The following APBB1IP variants were observed in gnomAD, a reference collection of about 807,000 sequenced individuals.
APBB1IP encodes the protein amyloid beta precursor protein binding family B member 1 interacting protein.
Under a neutral mutation model 64.9 loss-of-function variants are expected in APBB1IP, and 27 were observed. The observed-to-expected ratio is 0.42, with a 90% CI of 0.31 to 0.57. APBB1IP has a LOEUF of 0.57. APBB1IP is among the 20% of genes least tolerant of loss of function. APBB1IP has a pLI of 0.20. For missense variants in APBB1IP, 812 were observed against 845.5 expected (o/e 0.96, Z 0.49); for synonymous variants, 392 against 331.0 (o/e 1.18, Z -2.00).
intron 2 of APBB1IP, among the ~76,000 whole-genome samples, chr10:26,486,096 T>A (rs1268979775): frequency 6.6e-6 from 1 of 151,782 alleles, no homozygotes; most frequent in Admixed American, 6.6e-5. Flanking sequence ...TGTAAAAAAA[T>A]ATAAATAAAT....
At chr10:26,439,762 C>T (rs866995899) in intron 2 of APBB1IP, among the ~76,000 whole-genome samples, 3 of 152,170 alleles carry the variant, frequency 2.0e-5, no homozygotes, top group South Asian at 4.1e-4. Context: ...GTTTATTATG[C>T]CCCCAGATGT....
chr10:26,468,717 A>G (rs1163416008), intron 2 of APBB1IP, among the ~76,000 whole-genome samples: 1 of 152,238 alleles, frequency 6.6e-6, no homozygotes, highest in East Asian at 1.9e-4. Flanking sequence ...CCACTGGTCC[A>G]GCCATCCTTG....
Position 26,496,599 on chromosome 10 carries a change from A to G in APBB1IP, c.160+208A>G, listed in dbSNP as rs549631246. Among the ~76,000 whole-genome samples, 5 of 152,226 alleles carry G rather than the reference A, an allele frequency of 3.3e-5. No individual in the cohort carries two copies. In the South Asian group the frequency reaches 1.0e-3, roughly 32 times the overall value. On this transcript the variant is annotated intron_variant, in intron 4 of 14. Coordinates refer to ENST00000376236, the MANE Select transcript of APBB1IP (RefSeq NM_019043.4). ...ATTTTCACCAATAATGAAAGGGAAC[A>G]CCATTCTGCATTTGTGAAAAGTCTC... is the stretch of plus-strand genomic sequence containing the variant.
intron 13 of APBB1IP, 21 bp downstream of exon 13, chr10:26,560,865 T>G: frequency 1.9e-6 from 3 of 1,551,552 alleles, no homozygotes; most frequent in Non-Finnish European, 2.6e-6. Flanking sequence ...GAGGAGAAAT[T>G]CCAACACATA....
At chr10:26,448,069 A>T (rs1465702436) in intron 2 of APBB1IP, among the ~76,000 whole-genome samples, 1 of 152,254 alleles carries the variant, frequency 6.6e-6, no homozygotes, top group African/African-American at 2.4e-5. Context: ...GTTTGAAGTT[A>T]TATTAAATTT....
chr10:26,518,245 G>A (rs946157424), intron 8 of APBB1IP, among the ~76,000 whole-genome samples: 2 of 135,234 alleles, frequency 1.5e-5, no homozygotes, highest in African/African-American at 5.6e-5. Flanking sequence ...GAGCCACCGC[G>A]CCCAGCCTAT....
At chr10:26,561,324 T>G (rs553609435) in intron 13 of APBB1IP, among the ~76,000 whole-genome samples, 37 of 150,668 alleles carry the variant, frequency 2.5e-4, no homozygotes, top group African/African-American at 9.0e-4. Context: ...TGCCTCAGCC[T>G]CCCAAAGTGC....
intron 2 of APBB1IP, among the ~76,000 whole-genome samples, chr10:26,485,422 C>T (rs1411301996): frequency 6.6e-6 from 1 of 152,190 alleles, no homozygotes; most frequent in East Asian, 1.9e-4. Context: ...CAGTTCTTCT[C>T]ATTAGTCTGG....
In APBB1IP at chr10:26,541,515, A is replaced by G; in HGVS notation, c.1045-67A>G. 3 of 1,020,446 alleles carry G rather than the reference A, an allele frequency of 2.9e-6. No individual in the cohort carries two copies. The South Asian group carries it at 4.3e-5, about 15-fold the overall frequency. The allele number at this position is 1,020,446 out of a possible 1,614,324, so 63.2% of individuals were successfully genotyped here. ...AATATAATCCTTAGTTGTGCTATGA[A>G]GGACAACTCTGGAAAATTGTTAACT... On this transcript the variant is annotated intron_variant, in intron 10 of 14. Coordinates refer to ENST00000376236, the MANE Select transcript of APBB1IP (RefSeq NM_019043.4).
chr10:26,498,757 A>G (rs1836060883), intron 4 of APBB1IP, among the ~76,000 whole-genome samples: 1 of 152,226 alleles, frequency 6.6e-6, no homozygotes, highest in Non-Finnish European at 1.5e-5. Context: ...AATGATACCC[A>G]GCAAGATATA....
Position 26,472,934 on chromosome 10 carries a change from C to CAAAAAAA in APBB1IP, c.1-19388_1-19387insAAAAAAA, listed in dbSNP as rs879867349. ...CCTGGGCGACAGGGGGAGACTTCAT[C>CAAAAAAA]AAAAACAAAAAGAAAAAGATCTTAA... On this transcript the variant is annotated intron_variant, in intron 2 of 14. Coordinates refer to ENST00000376236, the MANE Select transcript of APBB1IP (RefSeq NM_019043.4). Among the ~76,000 whole-genome samples the CAAAAAAA allele has an allele frequency of 4.6e-4, 69 of 148,998 alleles. 2 individuals are homozygous for CAAAAAAA. The highest frequency in any genetic ancestry group is 7.0e-4 in the African/African-American group (28 of 39,916).
intron 11 of APBB1IP, among the ~76,000 whole-genome samples, chr10:26,548,307 A>C (rs4474350): frequency 0.16 from 24,942 of 151,370 alleles, 2,168 homozygotes; most frequent in East Asian, 0.32. Context: ...ATTTAACATT[A>C]GGTATGTCTC....
intron 2 of APBB1IP, among the ~76,000 whole-genome samples, chr10:26,470,052 T>C (rs1440167284): frequency 6.6e-6 from 1 of 152,200 alleles, no homozygotes; most frequent in African/African-American, 2.4e-5. Flanking sequence ...GCGGGGACCC[T>C]GGTCAGGAGA....
intron 8 of APBB1IP, among the ~76,000 whole-genome samples, chr10:26,514,301 G>A (rs1836297906): frequency 1.3e-5 from 2 of 151,922 alleles, no homozygotes; most frequent in Admixed American, 1.3e-4. Context: ...TGCACTCACT[G>A]TTGGTTCTTC....
intron 8 of APBB1IP, among the ~76,000 whole-genome samples, chr10:26,526,681 T>TGG (rs879375864): frequency 3.2e-3 from 489 of 152,220 alleles, no homozygotes; most frequent in South Asian, 7.7e-3. Flanking sequence ...ACCACACCAT[T>TGG]GCACTCCAGC....
At chr10:26,513,423 T>C (rs2132447136) in intron 7 of APBB1IP, 116 bp from the exon 8 acceptor site, 1 of 1,138,768 alleles carries the variant, frequency 8.8e-7, no homozygotes, top group South Asian at 1.4e-5. Flanking sequence ...GAATTATTAA[T>C]AAGAATCCCA....
chr10:26,512,779 T>A (rs1260715307), intron 7 of APBB1IP, among the ~76,000 whole-genome samples: 1 of 152,074 alleles, frequency 6.6e-6, no homozygotes, highest in Non-Finnish European at 1.5e-5. Context: ...TCATTTTTAA[T>A]AATGGGACAG....
At chr10:26,497,643 C>T (rs1836042944) in intron 4 of APBB1IP, among the ~76,000 whole-genome samples, 2 of 151,066 alleles carry the variant, frequency 1.3e-5, no homozygotes, top group Non-Finnish European at 2.9e-5. Context: ...CTGTGCCTAC[C>T]AAAAATGTGA....
intron 8 of APBB1IP, among the ~76,000 whole-genome samples, chr10:26,521,152 T>C (rs1221249339): frequency 6.6e-6 from 1 of 152,102 alleles, no homozygotes. Context: ...TTTGGAACAG[T>C]CTGTGTTTTA....
Sources: allele counts gnomAD v4.1 joint callset (sites outside exome capture counted in the v4.1 genomes callset), GRCh38; gene constraint gnomAD v4.1.1; transcripts MANE v1.5; gene names NCBI Gene and HGNC (gene_info 2026-07-23, HGNC 2026-07-21).